ARK2N: variants seen among roughly 807,000 people sequenced by gnomAD.
The protein encoded by ARK2N is protein ARK2N.
At chr18:46,213,351 T>C in the ARK2N span, among the ~76,000 whole-genome samples, 2 of 152,078 alleles carry the variant, frequency 1.3e-5, no homozygotes, top group Non-Finnish European at 2.9e-5. Context: ...CATAATAGAA[T>C]TAACTCTCAT....
the ARK2N span, among the ~76,000 whole-genome samples, chr18:46,228,373 C>T: frequency 1.3e-5 from 2 of 151,752 alleles, no homozygotes; most frequent in Admixed American, 6.6e-5. Context: ...TTTTATGATA[C>T]GATAATTAAT....
chr18:46,253,880 G>C, the ARK2N span: 1 of 1,515,990 alleles, frequency 6.6e-7, no homozygotes, highest in East Asian at 2.3e-5. Flanking sequence ...ATTTTAACCA[G>C]AAAACAAGTT....
chr18:46,178,837 C>G, the ARK2N span, among the ~76,000 whole-genome samples: 1 of 151,660 alleles, frequency 6.6e-6, no homozygotes, highest in Non-Finnish European at 1.5e-5. Flanking sequence ...GCAGTTGAGC[C>G]CAGGGGTTTG....
chr18:46,233,520 CA>C, the ARK2N span, among the ~76,000 whole-genome samples: 1 of 152,136 alleles, frequency 6.6e-6, no homozygotes, highest in Non-Finnish European at 1.5e-5. Flanking sequence ...AGTTATCTTC[CA>C]AATAACCCCA....
At chr18:46,176,741 C>T in the ARK2N span, among the ~76,000 whole-genome samples, 1 of 152,112 alleles carries the variant, frequency 6.6e-6, no homozygotes. Context: ...CCTCAGCCTA[C>T]CAATTAGCTG....
the ARK2N span, among the ~76,000 whole-genome samples, chr18:46,212,922 CT>C: frequency 6.7e-6 from 1 of 148,410 alleles, no homozygotes; most frequent in Non-Finnish European, 1.5e-5. Context: ...ACTTTTGATG[CT>C]TGTCCTATAT....
the ARK2N span, among the ~76,000 whole-genome samples, chr18:46,252,205 G>A: frequency 1.3e-5 from 2 of 149,512 alleles, no homozygotes; most frequent in Non-Finnish European, 3.0e-5. Context: ...AAAAAAAAAA[G>A]GTACAAGATT....
At chr18:46,262,271 T>A in the ARK2N span, among the ~76,000 whole-genome samples, 1 of 152,218 alleles carries the variant, frequency 6.6e-6, no homozygotes, top group Non-Finnish European at 1.5e-5. Context: ...GGCAGTTCTC[T>A]CCCTCCGATA....
chr18:46,235,523 A>T, the ARK2N span, among the ~76,000 whole-genome samples: 150 of 152,310 alleles, frequency 9.8e-4, 1 homozygote, highest in Middle Eastern at 0.034. Context: ...GTCTTCTTTA[A>T]CCCTCACCAT....
chr18:46,213,158 C>T, the ARK2N span, among the ~76,000 whole-genome samples: 735 of 151,660 alleles, frequency 4.8e-3, 9 homozygotes, highest in African/African-American at 0.016. Flanking sequence ...CCTGCCACCA[C>T]GCCTGGCTAA....
the ARK2N span, among the ~76,000 whole-genome samples, chr18:46,201,792 T>G: frequency 6.6e-6 from 1 of 151,220 alleles, no homozygotes. Context: ...TTTTTTTTTT[T>G]TTTAAGACCG....
At chr18:46,217,169 A>C in the ARK2N span, 1 of 152,746 alleles carries the variant, frequency 6.5e-6, no homozygotes, top group Non-Finnish European at 1.5e-5. Flanking sequence ...TGTCTTTCTG[A>C]AAAATTTCCC....
At chr18:46,188,905 C>G in the ARK2N span, among the ~76,000 whole-genome samples, 5 of 151,784 alleles carry the variant, frequency 3.3e-5, no homozygotes, top group East Asian at 9.7e-4. Context: ...TGACACATAT[C>G]TGGGCTTCAA....
chr18:46,225,749 C>T, the ARK2N span, among the ~76,000 whole-genome samples: 3 of 152,192 alleles, frequency 2.0e-5, no homozygotes, highest in Admixed American at 1.3e-4. Context: ...CTTGAGCCAC[C>T]GAGCCCAGCC....
At chr18:46,207,570 A>G in the ARK2N span, among the ~76,000 whole-genome samples, 1 of 151,666 alleles carries the variant, frequency 6.6e-6, no homozygotes, top group Non-Finnish European at 1.5e-5. Context: ...TTGTATTTTC[A>G]GTAGAGACAG....
the ARK2N span, among the ~76,000 whole-genome samples, chr18:46,219,694 T>A: frequency 0.016 from 2,487 of 152,166 alleles, 36 homozygotes; most frequent in Non-Finnish European, 0.026. Context: ...ATGGTCTTGA[T>A]CTCCTGACCT....
the ARK2N span, chr18:46,266,421 G>A: frequency 6.6e-6 from 1 of 152,590 alleles, no homozygotes; most frequent in African/African-American, 2.4e-5. Context: ...TCCTCAGATT[G>A]TGCACTGTTT....
the ARK2N span, chr18:46,216,111 C>A: frequency 6.2e-7 from 1 of 1,614,116 alleles, no homozygotes; most frequent in East Asian, 2.2e-5. This position sits in a 1 kb window ranked among gnomAD's most constrained non-coding sequence, Gnocchi z 4.3. Flanking sequence ...CAGAGAGTGA[C>A]AAGCCTACAA....
chr18:46,259,911 G>GTGTGTGTGTGTGT, the ARK2N span, among the ~76,000 whole-genome samples: 2 of 142,174 alleles, frequency 1.4e-5, no homozygotes, highest in South Asian at 2.4e-4. Flanking sequence ...GACAGAGATG[G>GTGTGTGTGTGTGT]GGTTTCACCA....
Sources: allele counts gnomAD v4.1 joint callset (sites outside exome capture counted in the v4.1 genomes callset), GRCh38; gene constraint gnomAD v4.1.1; non-coding constraint Gnocchi (gnomAD v3.1); transcripts MANE v1.5; gene names NCBI Gene and HGNC (gene_info 2026-07-23, HGNC 2026-07-21).